The following AMBRA1 variants were observed in gnomAD, a reference collection of about 807,000 sequenced individuals.
The protein encoded by AMBRA1 is activating molecule in BECN1-regulated autophagy protein 1.
A neutral mutation model predicts 125.4 loss-of-function variants in AMBRA1; 47 were observed. The observed-to-expected ratio is 0.37, with a 90% CI of 0.30 to 0.48. The LOEUF is 0.48. Among genes scored for constraint, AMBRA1 ranks in the 20% least tolerant of loss-of-function variants. The probability of loss-of-function intolerance (pLI) is 0.99; values close to 1 mark genes in which losing one functional copy is unlikely to be tolerated. For synonymous variants in AMBRA1, 626 were observed against 655.5 expected, an observed-to-expected ratio of 0.95 and a Z score of 0.69; for missense variants, 1,331 against 1,693.4, an observed-to-expected ratio of 0.79 and a Z score of 3.76.
intron 11 of AMBRA1, among the ~76,000 whole-genome samples, chr11:46,489,973 C>G (rs1254195752): frequency 6.6e-6 from 1 of 152,200 alleles, no homozygotes; most frequent in Non-Finnish European, 1.5e-5. Flanking sequence ...AGTGACATAA[C>G]TTTCTGAGCC....
intron 16 of AMBRA1, among the ~76,000 whole-genome samples, 182 bp downstream of exon 16, chr11:46,410,094 G>T (rs771727518): frequency 6.6e-6 from 1 of 152,268 alleles, no homozygotes; most frequent in Admixed American, 6.5e-5. Context: ...CAGAGCTTTT[G>T]TTCTCTTTCT....
intron 11 of AMBRA1, among the ~76,000 whole-genome samples, chr11:46,473,312 C>A (rs999550061): frequency 2.0e-5 from 3 of 152,156 alleles, no homozygotes; most frequent in Non-Finnish European, 4.4e-5. Flanking sequence ...CACTGCAATA[C>A]CCCAAAAAAG....
At chr11:46,525,700 G>A (rs563630242) in intron 7 of AMBRA1, among the ~76,000 whole-genome samples, 2 of 152,020 alleles carry the variant, frequency 1.3e-5, no homozygotes, top group South Asian at 2.1e-4. Context: ...GCAGTGACCC[G>A]AGATCGTGCC....
chr11:46,514,248 T>C (rs1422905528), intron 7 of AMBRA1, among the ~76,000 whole-genome samples: 1 of 152,220 alleles, frequency 6.6e-6, no homozygotes, highest in African/African-American at 2.4e-5. Flanking sequence ...TGCGGTCACT[T>C]TATTCCAGCA....
chr11:46,490,319 C>T (rs1950416345), intron 11 of AMBRA1, among the ~76,000 whole-genome samples: 1 of 152,046 alleles, frequency 6.6e-6, no homozygotes, highest in Admixed American at 6.6e-5. Flanking sequence ...TGGAGGCTAC[C>T]AGAAACCTAC....
chr11:46,535,970 C>A (rs1952457282), intron 7 of AMBRA1, among the ~76,000 whole-genome samples: 1 of 152,228 alleles, frequency 6.6e-6, no homozygotes, highest in South Asian at 2.1e-4. Context: ...CAGAGGTCAC[C>A]GGAGCTCAAG....
chr11:46,557,506 T>C (rs569717885), intron 1 of AMBRA1, among the ~76,000 whole-genome samples: 1 of 152,234 alleles, frequency 6.6e-6, no homozygotes, highest in South Asian at 2.1e-4. Context: ...GTCACCTTTT[T>C]AAAAACAAAA....
chr11:46,470,454 TGGTG>T (rs1949539558), intron 11 of AMBRA1, among the ~76,000 whole-genome samples: 2 of 151,478 alleles, frequency 1.3e-5, no homozygotes, highest in African/African-American at 4.9e-5. Flanking sequence ...CCGGGCGTGG[TGGTG>T]GGTGCCTGTA....
intron 17 of AMBRA1, among the ~76,000 whole-genome samples, chr11:46,405,026 C>T (rs1166400558): frequency 6.6e-6 from 1 of 152,212 alleles, no homozygotes; most frequent in East Asian, 1.9e-4. Context: ...CCCCACTCAT[C>T]CAGTGTCAGT....
chr11:46,517,470 GTTTTTT>G (rs768814141), intron 7 of AMBRA1, among the ~76,000 whole-genome samples: 3 of 96,156 alleles, frequency 3.1e-5, no homozygotes, highest in African/African-American at 9.1e-5. Flanking sequence ...TATTAATAAG[GTTTTTT>G]TTTTTTTTTT....
intron 5 of AMBRA1, among the ~76,000 whole-genome samples, chr11:46,545,344 C>A (rs1181749982): frequency 2.6e-5 from 4 of 151,960 alleles, no homozygotes; most frequent in Admixed American, 6.6e-5. Flanking sequence ...TGCCTGCAAT[C>A]CCAGCTACTC....
intron 11 of AMBRA1, among the ~76,000 whole-genome samples, chr11:46,465,706 G>C (rs1949294861): frequency 6.6e-6 from 1 of 152,146 alleles, no homozygotes; most frequent in Non-Finnish European, 1.5e-5. Flanking sequence ...GGGATCATCA[G>C]TGTAAGGAGG....
At chr11:46,553,547 C>T (rs981036724) in intron 1 of AMBRA1, among the ~76,000 whole-genome samples, 2 of 152,016 alleles carry the variant, frequency 1.3e-5, no homozygotes, top group African/African-American at 4.8e-5. Flanking sequence ...AAGTTCGAGA[C>T]CAGCCTGGCC....
intron 1 of AMBRA1, among the ~76,000 whole-genome samples, chr11:46,587,576 G>A (rs2044448534): frequency 1.3e-5 from 2 of 152,064 alleles, no homozygotes; most frequent in Admixed American, 6.6e-5. Context: ...ATTATGATTC[G>A]TGATTCCAAC....
chr11:46,444,535 G>A (rs1454869684), intron 11 of AMBRA1, among the ~76,000 whole-genome samples: 1 of 152,138 alleles, frequency 6.6e-6, no homozygotes, highest in Non-Finnish European at 1.5e-5. Flanking sequence ...TGGAAGAATA[G>A]AACATTCTTG....
chr11:46,458,358 C>T (rs1948942910), intron 11 of AMBRA1, among the ~76,000 whole-genome samples: 1 of 152,152 alleles, frequency 6.6e-6, no homozygotes, highest in South Asian at 2.1e-4. Flanking sequence ...AGAAGCTTTC[C>T]TGAATTAGAG....
rs114045375 is a variant in AMBRA1 at position 46,518,148 on chromosome 11, G to A, written c.2073-5335C>T. The A allele has an allele frequency of 1.8e-3, 1,812 of 982,562 alleles. 16 individuals are homozygous for A. In the African/African-American group the frequency reaches 0.029, roughly 16 times the overall value. The allele number at this position is 982,562 out of a possible 1,614,324, so 60.9% of individuals were successfully genotyped here. A position where few individuals can be genotyped will look rare whatever the true frequency, so the allele number is the denominator to read the frequency against. ...ATTTGTTTTCAGAAGAATTACTCACGGCCAGGCGCGGTGGCTCACGCCTGT... is the reference window on the plus strand; with the variant it reads ...ATTTGTTTTCAGAAGAATTACTCACAGCCAGGCGCGGTGGCTCACGCCTGT... On this transcript the variant is annotated intron_variant, in intron 7 of 17. Transcript: ENST00000683756.
At chr11:46,461,977 T>C (rs1949110019) in intron 11 of AMBRA1, among the ~76,000 whole-genome samples, 1 of 152,196 alleles carries the variant, frequency 6.6e-6, no homozygotes, top group Admixed American at 6.5e-5. Flanking sequence ...CCCCACTATC[T>C]AGACTCCTTC....
intron 11 of AMBRA1, among the ~76,000 whole-genome samples, chr11:46,449,606 G>A (rs1355175472): frequency 6.6e-6 from 1 of 152,112 alleles, no homozygotes; most frequent in Non-Finnish European, 1.5e-5. Context: ...CTTCTCAGCT[G>A]GATCTACAGA....
Sources: gnomAD v4.1 joint callset for allele counts (sites outside exome capture counted in the v4.1 genomes callset) on GRCh38, gnomAD v4.1.1 for gene constraint, MANE v1.5 for transcripts, NCBI Gene and HGNC (gene_info 2026-07-23, HGNC 2026-07-21) for gene names.